The following NKAIN2 variants were observed in gnomAD, a reference collection of about 807,000 sequenced individuals.
NKAIN2 encodes the protein sodium/potassium-transporting ATPase subunit beta-1-interacting protein 2.
In NKAIN2, 14 loss-of-function variants were observed where a neutral mutation model predicts 32.6. The observed-to-expected ratio is 0.43, with a 90% CI of 0.28 to 0.67. The LOEUF is 0.67. Among genes scored for constraint, NKAIN2 ranks in the 30% least tolerant of loss-of-function variants. The pLI, the probability that NKAIN2 is intolerant of heterozygous loss-of-function variation, is 0.17. For synonymous variants in NKAIN2, 80 were observed against 87.2 expected (o/e 0.92, Z 0.46); for missense variants, 198 against 258.3 (o/e 0.77, Z 1.60).
intron 5 of NKAIN2, among the ~76,000 whole-genome samples, chr6:124,817,924 G>A (rs1781237295): frequency 6.6e-6 from 1 of 152,078 alleles, no homozygotes; most frequent in African/African-American, 2.4e-5. Flanking sequence ...CCTTGCGCTT[G>A]GTAACCATAA....
intron 3 of NKAIN2, among the ~76,000 whole-genome samples, chr6:124,634,324 T>C (rs1400726792): frequency 6.6e-6 from 1 of 152,152 alleles, no homozygotes; most frequent in African/African-American, 2.4e-5. Context: ...GTGAGATACA[T>C]GAGAACACTG....
intron 3 of NKAIN2, among the ~76,000 whole-genome samples, chr6:124,380,923 A>G (rs934622724): frequency 6.6e-6 from 1 of 152,188 alleles, no homozygotes; most frequent in African/African-American, 2.4e-5. Context: ...CATTGCAAGT[A>G]ACCTTTAAAA....
intron 1 of NKAIN2, among the ~76,000 whole-genome samples, chr6:124,278,410 A>G (rs1795136136): frequency 6.6e-6 from 1 of 151,956 alleles, no homozygotes; most frequent in African/African-American, 2.4e-5. Flanking sequence ...CTTCTGATGA[A>G]CATTTATTGT....
intron 1 of NKAIN2, among the ~76,000 whole-genome samples, chr6:124,115,360 C>T (rs1399928667): frequency 6.6e-6 from 1 of 152,086 alleles, no homozygotes; most frequent in African/African-American, 2.4e-5. Context: ...GTCAGCCACA[C>T]CTTAAATGTC....
intron 1 of NKAIN2, among the ~76,000 whole-genome samples, chr6:124,170,198 A>G (rs1436421381): frequency 1.3e-5 from 2 of 151,710 alleles, no homozygotes; most frequent in African/African-American, 2.4e-5. Flanking sequence ...AATATTTTGT[A>G]CTCCTCTTTG....
intron 1 of NKAIN2, among the ~76,000 whole-genome samples, chr6:123,921,129 G>A (rs1775732104): frequency 2.0e-5 from 3 of 152,186 alleles, no homozygotes; most frequent in African/African-American, 7.2e-5. Context: ...GTCCTAAATG[G>A]AGAAATGAGA....
intron 1 of NKAIN2, among the ~76,000 whole-genome samples, chr6:124,179,002 AATTATTGACC>A: frequency 6.6e-6 from 1 of 152,208 alleles, no homozygotes; most frequent in Non-Finnish European, 1.5e-5. Flanking sequence ...TGAATTTGGT[AATTATTGACC>A]CAACACAGGT....
chr6:124,586,717 A>T (rs1781724486), intron 3 of NKAIN2, among the ~76,000 whole-genome samples: 1 of 152,222 alleles, frequency 6.6e-6, no homozygotes, highest in Non-Finnish European at 1.5e-5. Context: ...ATAAAAGACT[A>T]TGGCCACACA....
intron 1 of NKAIN2, among the ~76,000 whole-genome samples, chr6:123,883,397 G>A (rs920079711): frequency 2.0e-5 from 3 of 151,972 alleles, no homozygotes; most frequent in Admixed American, 6.6e-5. Context: ...CACCCGCCTC[G>A]GCCTCCCAAA....
At chr6:124,306,088 G>A (rs1265841921) in intron 2 of NKAIN2, among the ~76,000 whole-genome samples, 1 of 152,110 alleles carries the variant, frequency 6.6e-6, no homozygotes, top group Non-Finnish European at 1.5e-5. Context: ...AATCTGCAAG[G>A]ATTTGCTGAG....
chr6:124,447,828 C>T (rs995780289), intron 3 of NKAIN2, among the ~76,000 whole-genome samples: 7 of 152,074 alleles, frequency 4.6e-5, no homozygotes, highest in Non-Finnish European at 7.4e-5. Context: ...TCATTCTCTC[C>T]ACTCCTCACC....
intron 1 of NKAIN2, among the ~76,000 whole-genome samples, chr6:124,189,767 A>AT (rs1318051887): frequency 5.7e-4 from 87 of 152,358 alleles, no homozygotes; most frequent in African/African-American, 1.8e-3. Flanking sequence ...GCCAGAAACT[A>AT]GCACATCTTT....
At chr6:123,926,814 A>G (rs969023298) in intron 1 of NKAIN2, among the ~76,000 whole-genome samples, 8 of 152,200 alleles carry the variant, frequency 5.3e-5, no homozygotes, top group Admixed American at 5.2e-4. Flanking sequence ...AACAGTTTGT[A>G]TGGTCACTTA....
intron 3 of NKAIN2, among the ~76,000 whole-genome samples, chr6:124,358,288 C>T (rs137945508): frequency 1.1e-4 from 16 of 152,118 alleles, no homozygotes; most frequent in African/African-American, 3.1e-4. Flanking sequence ...TGGGTATGTA[C>T]CCAGTAATAG....
At chr6:124,164,733 C>T (rs776477213) in intron 1 of NKAIN2, among the ~76,000 whole-genome samples, 2 of 151,694 alleles carry the variant, frequency 1.3e-5, no homozygotes, top group African/African-American at 2.4e-5. Context: ...AACTGGCGGT[C>T]GTATTACAAA....
intron 3 of NKAIN2, among the ~76,000 whole-genome samples, chr6:124,417,834 CT>C (rs1218146450): frequency 6.6e-6 from 1 of 152,160 alleles, no homozygotes; most frequent in East Asian, 1.9e-4. Context: ...TCTTCTAATG[CT>C]GTCCAGTAGG....
intron 1 of NKAIN2, among the ~76,000 whole-genome samples, chr6:124,124,950 A>G (rs1248461482): frequency 6.6e-6 from 1 of 152,184 alleles, no homozygotes; most frequent in Admixed American, 6.5e-5. Context: ...GGTCATAGGT[A>G]AATATGAACT....
At chr6:124,451,428 A>G (rs1409139169) in intron 3 of NKAIN2, among the ~76,000 whole-genome samples, 2 of 152,190 alleles carry the variant, frequency 1.3e-5, no homozygotes, top group Non-Finnish European at 2.9e-5. Context: ...TATATAAGCT[A>G]GATGACTGAT....
intron 3 of NKAIN2, among the ~76,000 whole-genome samples, chr6:124,361,776 G>T (rs958511328): frequency 3.3e-5 from 5 of 152,080 alleles, no homozygotes; most frequent in Non-Finnish European, 5.9e-5. Flanking sequence ...GGAGATAAAA[G>T]TTGTCATATA....
Sources: gnomAD v4.1 joint callset for allele counts (sites outside exome capture counted in the v4.1 genomes callset) on GRCh38, gnomAD v4.1.1 for gene constraint, MANE v1.5 for transcripts, NCBI Gene and HGNC (gene_info 2026-07-23, HGNC 2026-07-21) for gene names.